Variants in HYDIN observed in about 807,000 individuals in gnomAD.
HYDIN encodes HYDIN axonemal central pair apparatus protein.
A neutral mutation model predicts 403.9 loss-of-function variants in HYDIN; 132 were observed. The observed-to-expected ratio is 0.33, with a 90% CI of 0.28 to 0.38. The LOEUF (loss-of-function observed/expected upper bound fraction) is 0.38. Among genes scored for constraint, HYDIN ranks in the 10% least tolerant of loss-of-function variants. The pLI, the probability that HYDIN is intolerant of heterozygous loss-of-function variation, is 1.00. For synonymous variants in HYDIN, 1,202 were observed against 1,891.7 expected (o/e 0.64, Z 9.46); for missense variants, 2,827 against 5,009.5 (o/e 0.56, Z 13.15).
chr16:71,063,877 C>G (rs564778731), intron 16 of HYDIN, among the ~76,000 whole-genome samples: 2 of 151,264 alleles, frequency 1.3e-5, no homozygotes, highest in South Asian at 4.2e-4. Flanking sequence ...ATGACAACAT[C>G]TGAAGACAAA....
intron 21 of HYDIN, among the ~76,000 whole-genome samples, chr16:71,021,249 C>T (rs369506987): frequency 1.3e-5 from 2 of 149,766 alleles, no homozygotes; most frequent in African/African-American, 4.9e-5. Flanking sequence ...CAGAGTCTTG[C>T]TCTGTTGCCC....
At chr16:71,133,839 C>A (rs1329796715) in intron 8 of HYDIN, among the ~76,000 whole-genome samples, 1 of 151,130 alleles carries the variant, frequency 6.6e-6, no homozygotes, top group Non-Finnish European at 1.5e-5. Flanking sequence ...CTCTGCAAGT[C>A]TCAGGAAAAC....
intron 78 of HYDIN, 135 bp downstream of exon 78, chr16:70,835,541 G>A (rs988985441): frequency 1.4e-5 from 10 of 727,188 alleles, no homozygotes; most frequent in Non-Finnish European, 1.8e-5. Flanking sequence ...AACAGAGGGA[G>A]TACAGGGAAG....
At chr16:70,940,284 C>T (rs1394024341) in intron 43 of HYDIN, among the ~76,000 whole-genome samples, 2 of 150,992 alleles carry the variant, frequency 1.3e-5, no homozygotes, top group Non-Finnish European at 2.9e-5. Context: ...GCATTCTCAC[C>T]GTCATCCTCG....
At chr16:71,159,941 T>C (rs1482382883) in intron 6 of HYDIN, among the ~76,000 whole-genome samples, 2 of 134,354 alleles carry the variant, frequency 1.5e-5, no homozygotes, top group South Asian at 2.7e-4. Context: ...CCAGGAGAAA[T>C]AGGATATCAG....
rs2041356825 is a variant in HYDIN, at chr16:70,889,657, T to C, written c.9704A>G (p.Tyr3235Cys). ...HARSRESESF[Y>C]KTGSSRAAKF... ...GGCTGCTCTGGAAGAGCCAGTTTTG[T>C]AGAAGCTCTCACTTTCTCGGGATCT... Residue 3235 changes from tyrosine to cysteine, a missense_variant, in exon 58 of 86, where the codon TAC becomes TGC. By Grantham distance (194) the Tyr-to-Cys change is radical. Coordinates refer to ENST00000393567, the MANE Select transcript of HYDIN (RefSeq NM_001270974.2). The C allele has an allele frequency of 1.5e-6, 1 of 666,910 alleles. No homozygotes were observed. 41.3% of individuals were successfully genotyped at this position (666,910 alleles called of 1,614,324 possible). A position where few individuals can be genotyped will look rare whatever the true frequency, so the allele number is the denominator to read the frequency against.
chr16:71,114,961 G>C (rs1329437544), intron 10 of HYDIN, among the ~76,000 whole-genome samples: 7 of 135,736 alleles, frequency 5.2e-5, no homozygotes, highest in Non-Finnish European at 9.4e-5. Flanking sequence ...AATTATTTTG[G>C]TAAAACTTAA....
At chr16:70,859,957 C>T (rs2039301348) in intron 71 of HYDIN, 111 bp downstream of exon 71, 4 of 888,044 alleles carry the variant, frequency 4.5e-6, no homozygotes, top group South Asian at 2.9e-5. Flanking sequence ...TGATGCACTA[C>T]ACCCTCAGGC....
intron 9 of HYDIN, among the ~76,000 whole-genome samples, chr16:71,122,906 C>T (rs946507841): frequency 7.7e-5 from 8 of 104,314 alleles, no homozygotes; most frequent in South Asian, 4.3e-4. Context: ...CGCTGATGTC[C>T]GTCAATCAGC....
At chr16:71,037,392 G>A (rs533910700) in intron 18 of HYDIN, among the ~76,000 whole-genome samples, 1 of 151,856 alleles carries the variant, frequency 6.6e-6, no homozygotes, top group African/African-American at 2.4e-5. Flanking sequence ...GAGCGGCTAT[G>A]GGGTTGTGAC....
intron 13 of HYDIN, among the ~76,000 whole-genome samples, chr16:71,074,707 C>CAAAA (rs59315287): frequency 5.2e-4 from 45 of 86,170 alleles, no homozygotes; most frequent in African/African-American, 6.7e-4. Flanking sequence ...CAAAAAACAC[C>CAAAA]AAAAAAAAAA....
chr16:71,059,265 T>A (rs1445632534), intron 18 of HYDIN, among the ~76,000 whole-genome samples: 1 of 152,072 alleles, frequency 6.6e-6, no homozygotes, highest in African/African-American at 2.4e-5. Flanking sequence ...CTTCCAGGAT[T>A]TTTATAGTTT....
chr16:70,958,628 C>A (rs897674494), intron 39 of HYDIN, among the ~76,000 whole-genome samples: 17 of 152,220 alleles, frequency 1.1e-4, no homozygotes, highest in African/African-American at 3.9e-4. Flanking sequence ...CTGCCTGTTG[C>A]CCACACATCT....
intron 66 of HYDIN, among the ~76,000 whole-genome samples, chr16:70,866,952 G>A (rs1248543777): frequency 6.6e-6 from 1 of 151,066 alleles, no homozygotes; most frequent in Non-Finnish European, 1.5e-5. Flanking sequence ...TTGAACCTAG[G>A]AGGTGGAGGT....
At chr16:71,061,980 AG>A (rs2082103553) in intron 17 of HYDIN, among the ~76,000 whole-genome samples, 188 bp downstream of exon 17, 1 of 152,098 alleles carries the variant, frequency 6.6e-6, no homozygotes, top group African/African-American at 2.4e-5. Flanking sequence ...TGTTAGATGT[AG>A]CCATAAACAG....
At chr16:71,038,670 A>G (rs1475364560) in intron 18 of HYDIN, among the ~76,000 whole-genome samples, 3 of 152,288 alleles carry the variant, frequency 2.0e-5, no homozygotes, top group Non-Finnish European at 4.4e-5. Context: ...TTTTAAAAAA[A>G]TTTCTTTTGA....
chr16:71,173,999 A>G (rs2086568374), intron 5 of HYDIN, among the ~76,000 whole-genome samples: 1 of 152,202 alleles, frequency 6.6e-6, no homozygotes, highest in Non-Finnish European at 1.5e-5. Context: ...TCACACCCAC[A>G]GTAAATCCAG....
intron 7 of HYDIN, among the ~76,000 whole-genome samples, chr16:71,149,758 G>A (rs1321107155): frequency 6.6e-6 from 1 of 152,162 alleles, no homozygotes; most frequent in Non-Finnish European, 1.5e-5. Context: ...AAACTCCTGA[G>A]CTCAAGCAAT....
Position 70,904,478 on chromosome 16 carries a change from CTTTTTTTTTTTTTTTT to C in HYDIN, c.8517-430_8517-415del, listed in dbSNP as rs76148650. On this transcript the variant is annotated intron_variant, in intron 50 of 85. Coordinates refer to ENST00000393567, the MANE Select transcript of HYDIN (RefSeq NM_001270974.2). ...CTGAGAGAGATTATCACTTGAGTAA[CTTTTTTTTTTTTTTTT>C]TTTTTTTTTTTTTTTTTTTTTTTTT... Among the ~76,000 whole-genome samples the C allele has an allele frequency of 1.7e-3, 43 of 25,194 alleles. 1 individual carries two copies. The highest frequency in any genetic ancestry group is 1.4e-3 in the Non-Finnish European group (15 of 10,476). The allele number at this position is 25,194 out of a possible 152,430, so 16.5% of individuals were successfully genotyped here.
Sources: gnomAD v4.1 joint callset for allele counts (sites outside exome capture counted in the v4.1 genomes callset) on GRCh38, gnomAD v4.1.1 for gene constraint, MANE v1.5 for transcripts, NCBI Gene and HGNC (gene_info 2026-07-23, HGNC 2026-07-21) for gene names.